NRXN1: variants seen among roughly 807,000 people sequenced by gnomAD.
The protein encoded by NRXN1 is neurexin-1.
NRXN1 carries 39 observed loss-of-function variants against 150.9 expected under a neutral mutation model. The ratio of observed to expected loss-of-function variants is 0.26; its 90% confidence interval spans 0.20 to 0.34. The LOEUF is 0.34. Ranked by LOEUF, NRXN1 falls within the 10% of genes least tolerant of loss-of-function variation. The probability of loss-of-function intolerance (pLI) is 1.00; values close to 1 mark genes in which losing one functional copy is unlikely to be tolerated. For missense variants in NRXN1, 1,815 were observed against 1,949.9 expected (o/e 0.93, Z 1.30); for synonymous variants, 924 against 757.0 (o/e 1.22, Z -3.62).
At chr2:49,992,792 T>C (rs183635766) in intron 21 of NRXN1, among the ~76,000 whole-genome samples, 48 of 152,242 alleles carry the variant, frequency 3.2e-4, no homozygotes, top group South Asian at 1.2e-3. Flanking sequence ...TAGATGGCAA[T>C]TGAGCACATG....
At chr2:50,403,674 C>T (rs1464904236) in intron 17 of NRXN1, among the ~76,000 whole-genome samples, 2 of 152,006 alleles carry the variant, frequency 1.3e-5, no homozygotes, top group East Asian at 1.9e-4. Flanking sequence ...TAGTATTATG[C>T]TACTTTAAAA....
chr2:50,170,450 C>T (rs1011702136), intron 18 of NRXN1, among the ~76,000 whole-genome samples: 12 of 152,060 alleles, frequency 7.9e-5, no homozygotes, highest in African/African-American at 2.9e-4. Flanking sequence ...TGTGCACCAC[C>T]ACATCCAGAT....
intron 17 of NRXN1, among the ~76,000 whole-genome samples, chr2:50,369,027 G>A (rs947369623): frequency 1.3e-5 from 2 of 151,926 alleles, no homozygotes; most frequent in Non-Finnish European, 2.9e-5. Flanking sequence ...AAGGGAAGGA[G>A]CAAAACATCG....
chr2:50,003,334 T>C (rs757379640), intron 21 of NRXN1, among the ~76,000 whole-genome samples: 19 of 152,156 alleles, frequency 1.2e-4, no homozygotes, highest in African/African-American at 4.6e-4. Flanking sequence ...GTACATTTGG[T>C]TATTCTTGTT....
intron 5 of NRXN1, among the ~76,000 whole-genome samples, chr2:50,655,531 A>G (rs1686304059): frequency 6.6e-6 from 1 of 152,042 alleles, no homozygotes; most frequent in Non-Finnish European, 1.5e-5. Flanking sequence ...AAGTGAACCG[A>G]AAGTTTTTGT....
At chr2:50,308,715 G>A (rs550236764) in intron 17 of NRXN1, among the ~76,000 whole-genome samples, 11 of 152,024 alleles carry the variant, frequency 7.2e-5, no homozygotes, top group East Asian at 1.9e-4. Context: ...TTCTTTCTGC[G>A]TCCGGCTTAT....
intron 17 of NRXN1, among the ~76,000 whole-genome samples, chr2:50,257,876 G>A (rs1374252574): frequency 7.0e-6 from 1 of 143,472 alleles, no homozygotes; most frequent in African/African-American, 2.6e-5. Flanking sequence ...ATTTTTTATT[G>A]ATAAAGTATC....
chr2:50,662,495 C>G (rs1191796296), intron 5 of NRXN1, among the ~76,000 whole-genome samples: 4 of 152,032 alleles, frequency 2.6e-5, no homozygotes, highest in Non-Finnish European at 1.5e-5. Flanking sequence ...CTCCAACCAG[C>G]AACCTGTAGG....
intron 17 of NRXN1, among the ~76,000 whole-genome samples, chr2:50,415,500 C>T (rs1263393443): frequency 6.6e-6 from 1 of 152,142 alleles, no homozygotes; most frequent in Non-Finnish European, 1.5e-5. Context: ...ACATTTCTAG[C>T]ACACGCTGCA....
intron 5 of NRXN1, among the ~76,000 whole-genome samples, chr2:50,820,063 C>T (rs1669498927): frequency 6.6e-6 from 1 of 151,980 alleles, no homozygotes; most frequent in Non-Finnish European, 1.5e-5. Context: ...AACCAGGACT[C>T]ATGTTTTTAT....
chr2:50,488,274 T>C (rs2091017668), intron 15 of NRXN1, among the ~76,000 whole-genome samples: 1 of 152,236 alleles, frequency 6.6e-6, no homozygotes, highest in African/African-American at 2.4e-5. Context: ...TCTTATTCCC[T>C]CAACCTGGCA....
chr2:50,968,668 A>C (rs115821846), intron 2 of NRXN1, among the ~76,000 whole-genome samples: 1 of 152,068 alleles, frequency 6.6e-6, no homozygotes, highest in Non-Finnish European at 1.5e-5. Flanking sequence ...ACATTTAATA[A>C]AAGAAAAATA....
chr2:50,194,952 T>C (rs2061667503), intron 18 of NRXN1, among the ~76,000 whole-genome samples: 2 of 152,168 alleles, frequency 1.3e-5, no homozygotes, highest in Admixed American at 1.3e-4. Context: ...GTATAAAACT[T>C]CACCCTGTAA....
chr2:50,905,483 T>C (rs1423524114), intron 5 of NRXN1, among the ~76,000 whole-genome samples: 1 of 152,152 alleles, frequency 6.6e-6, no homozygotes, highest in East Asian at 1.9e-4. Flanking sequence ...ACTACATCTA[T>C]GAACCAGAAA....
intron 17 of NRXN1, among the ~76,000 whole-genome samples, chr2:50,344,178 C>T (rs1053779637): frequency 1.3e-5 from 2 of 152,138 alleles, no homozygotes; most frequent in African/African-American, 2.4e-5. Flanking sequence ...CCCTGCCTGC[C>T]GTGTTCTCAG....
At chr2:49,995,008 T>G (rs1311866173) in intron 21 of NRXN1, among the ~76,000 whole-genome samples, 1 of 152,194 alleles carries the variant, frequency 6.6e-6, no homozygotes, top group South Asian at 2.1e-4. Context: ...AAGGAATGAC[T>G]GAAACACTCC....
At position 50,518,731 on chromosome 2, in the gene NRXN1, G is replaced by A. The variant is rs904844646; in HGVS notation, c.2374+9894C>T. On this transcript the variant is annotated intron_variant, in intron 12 of 22. Transcript: ENST00000401669. ...AGCATTTTTTTAATGAGGTCAAGAA[G>A]GATGTACATTTTTTCATAATTCAAG... Among the ~76,000 whole-genome samples the A allele has an allele frequency of 1.0e-3, 159 of 151,640 alleles. 1 individual carries two copies. The highest frequency in any genetic ancestry group is 3.8e-3 in the African/African-American group (157 of 41,438).
At chr2:50,804,249 G>T (rs1048440091) in intron 5 of NRXN1, among the ~76,000 whole-genome samples, 1 of 152,030 alleles carries the variant, frequency 6.6e-6, no homozygotes, top group Non-Finnish European at 1.5e-5. Flanking sequence ...TTTACATTAG[G>T]TGAAGTTATG....
intron 21 of NRXN1, among the ~76,000 whole-genome samples, chr2:50,015,204 AG>A (rs1280964211): frequency 6.6e-6 from 1 of 152,086 alleles, no homozygotes; most frequent in Non-Finnish European, 1.5e-5. Context: ...AAGTATCCCT[AG>A]ATTGTACAAT....
Sources: allele counts gnomAD v4.1 joint callset (sites outside exome capture counted in the v4.1 genomes callset), GRCh38; gene constraint gnomAD v4.1.1; transcripts MANE v1.5; gene names NCBI Gene and HGNC (gene_info 2026-07-23, HGNC 2026-07-21).